The following LGSN variants were observed in gnomAD, a reference collection of about 807,000 sequenced individuals.
LGSN encodes the protein lengsin, lens protein with glutamine synthetase domain.
In LGSN, 21 loss-of-function variants were observed where a neutral mutation model predicts 19.5. The ratio of observed to expected loss-of-function variants is 1.07; its 90% CI spans 0.76 to 1.55. LGSN has a LOEUF of 1.55. Ranked by LOEUF, LGSN falls within the 40% of genes most tolerant of loss-of-function variation. The probability of loss-of-function intolerance (pLI) is 0.00; values close to 1 mark genes in which losing one functional copy is unlikely to be tolerated. For synonymous variants in LGSN, 257 were observed against 215.6 expected (o/e 1.19, Z -1.68); for missense variants, 673 against 608.5 (o/e 1.11, Z -1.12).
the LGSN span, among the ~76,000 whole-genome samples, chr6:63,454,949 C>T: frequency 7.6e-4 from 115 of 151,792 alleles, no homozygotes; most frequent in East Asian, 0.019. Context: ...CCTGCCACCA[C>T]GCCCGGCTAA....
At chr6:63,380,501 A>T in the LGSN span, among the ~76,000 whole-genome samples, 1 of 152,138 alleles carries the variant, frequency 6.6e-6, no homozygotes, top group African/African-American at 2.4e-5. Context: ...AGCATCACCA[A>T]CTTAAGTCTG....
the LGSN span, among the ~76,000 whole-genome samples, chr6:63,326,835 C>A: frequency 1.3e-5 from 2 of 152,198 alleles, no homozygotes; most frequent in Non-Finnish European, 2.9e-5. Flanking sequence ...CACGCCTCTC[C>A]CTCCACACCT....
At chr6:63,312,964 T>C (rs1056554596) in intron 1 of LGSN, among the ~76,000 whole-genome samples, 1 of 152,102 alleles carries the variant, frequency 6.6e-6, no homozygotes, top group Non-Finnish European at 1.5e-5. Flanking sequence ...TCTAAGGTGA[T>C]TGTGTCATCT....
chr6:63,295,837 T>C (rs1767961834), intron 1 of LGSN, among the ~76,000 whole-genome samples: 1 of 152,084 alleles, frequency 6.6e-6, no homozygotes, highest in Non-Finnish European at 1.5e-5. Flanking sequence ...AAGCTGTCAC[T>C]GAAAAAAAAT....
At chr6:63,338,603 G>C in the LGSN span, among the ~76,000 whole-genome samples, 10 of 151,966 alleles carry the variant, frequency 6.6e-5, no homozygotes, top group African/African-American at 2.4e-4. Flanking sequence ...TTCTTGGTTA[G>C]TTTAGCTAAC....
At chr6:63,510,729 A>G in the LGSN span, among the ~76,000 whole-genome samples, 3 of 138,874 alleles carry the variant, frequency 2.2e-5, no homozygotes, top group African/African-American at 8.0e-5. Flanking sequence ...GCTGGAGTGC[A>G]GTGACACAAT....
chr6:63,515,962 G>A, the LGSN span, among the ~76,000 whole-genome samples: 1 of 152,160 alleles, frequency 6.6e-6, no homozygotes, highest in African/African-American at 2.4e-5. Flanking sequence ...ATTCTAAGAT[G>A]TGCTATCATT....
chr6:63,444,175 T>C, the LGSN span, among the ~76,000 whole-genome samples: 2 of 152,142 alleles, frequency 1.3e-5, no homozygotes, highest in Admixed American at 6.5e-5. Flanking sequence ...CAGTATTCAC[T>C]CATTTAATCT....
chr6:63,501,859 C>T, the LGSN span, among the ~76,000 whole-genome samples: 41 of 152,230 alleles, frequency 2.7e-4, no homozygotes, highest in African/African-American at 8.2e-4. Context: ...TGCAGTGGCA[C>T]GATCACAGGT....
chr6:63,348,484 A>G, the LGSN span, among the ~76,000 whole-genome samples: 1 of 152,114 alleles, frequency 6.6e-6, no homozygotes, highest in East Asian at 1.9e-4. Flanking sequence ...TGGAAATGTA[A>G]TTAAGCATTC....
the LGSN span, among the ~76,000 whole-genome samples, chr6:63,337,125 A>G: frequency 6.7e-6 from 1 of 149,960 alleles, no homozygotes; most frequent in African/African-American, 2.5e-5. Context: ...GGGTTTCACC[A>G]TGTTGGCCAG....
the LGSN span, among the ~76,000 whole-genome samples, chr6:63,485,038 T>G: frequency 1.6e-4 from 24 of 147,332 alleles, no homozygotes; most frequent in African/African-American, 4.5e-4. Flanking sequence ...TTTTTAGTTG[T>G]TTTTTTTTTT....
At chr6:63,404,739 T>C in the LGSN span, among the ~76,000 whole-genome samples, 1 of 152,116 alleles carries the variant, frequency 6.6e-6, no homozygotes. Context: ...CTAACTTTTA[T>C]GGGGGAGACA....
chr6:63,461,626 G>A, the LGSN span, among the ~76,000 whole-genome samples: 1 of 152,150 alleles, frequency 6.6e-6, no homozygotes, highest in Non-Finnish European at 1.5e-5. Context: ...ATATGCTGCA[G>A]TTTTACAGAT....
chr6:63,373,872 T>C, the LGSN span, among the ~76,000 whole-genome samples: 3 of 151,700 alleles, frequency 2.0e-5, no homozygotes, highest in South Asian at 6.2e-4. Context: ...GAGCTGGAGG[T>C]TGCAGTGAGC....
chr6:63,312,535 T>G lies in LGSN; in HGVS notation c.30+7379A>C, dbSNP rs1170740145. Reference sequence around the variant, plus strand: ...CTTTCAGTATCATTAAAGTAGAGCTTTCGTCCATGTATAAGTTTTTTTTCT... The same window carrying G: ...CTTTCAGTATCATTAAAGTAGAGCTGTCGTCCATGTATAAGTTTTTTTTCT... On this transcript the variant is annotated intron_variant, in intron 1 of 3. Coordinates refer to ENST00000370657, the MANE Select transcript of LGSN (RefSeq NM_016571.3). Among the ~76,000 whole-genome samples the G allele has an allele frequency of 2.6e-5, 4 of 152,292 alleles. No homozygotes were observed. The South Asian group carries it at 8.3e-4, about 32-fold the overall frequency.
At chr6:63,548,664 C>A in the LGSN span, 2 of 437,138 alleles carry the variant, frequency 4.6e-6, no homozygotes, top group South Asian at 6.3e-5. Context: ...AAAATTTGTT[C>A]TATTTTAATT....
At chr6:63,511,246 CTTTT>C in the LGSN span, among the ~76,000 whole-genome samples, 1 of 131,382 alleles carries the variant, frequency 7.6e-6, no homozygotes, top group Non-Finnish European at 1.7e-5. Flanking sequence ...AAATAGATTT[CTTTT>C]TTTTTTTTTT....
the LGSN span, among the ~76,000 whole-genome samples, chr6:63,376,573 C>G: frequency 1.6e-4 from 25 of 152,266 alleles, no homozygotes; most frequent in African/African-American, 5.3e-4. Flanking sequence ...ATACACTCAG[C>G]CTTTTCTGAG....
Sources: gnomAD v4.1 joint callset for allele counts (sites outside exome capture counted in the v4.1 genomes callset) on GRCh38, gnomAD v4.1.1 for gene constraint, MANE v1.5 for transcripts, NCBI Gene and HGNC (gene_info 2026-07-23, HGNC 2026-07-21) for gene names.